NSDHL: variants seen among roughly 807,000 people sequenced by gnomAD.
The protein encoded by NSDHL is sterol-4-alpha-carboxylate 3-dehydrogenase, decarboxylating.
In NSDHL, 1 loss-of-function variant was observed where a neutral mutation model predicts 23.0. The ratio of observed to expected loss-of-function variants is 0.04; its 90% CI spans 0.02 to 0.21. NSDHL has a LOEUF of 0.21. NSDHL is among the 10% of genes least tolerant of loss of function. The pLI is 1.00. For missense variants in NSDHL, 237 were observed against 300.9 expected (o/e 0.79, Z 1.57); for synonymous variants, 128 against 121.1 (o/e 1.06, Z -0.37).
chrX:152,865,178 C>T (rs1315646069), intron 5 of NSDHL, among the ~76,000 whole-genome samples: 1 of 112,556 alleles, frequency 8.9e-6, no homozygotes, highest in Non-Finnish European at 1.9e-5. Context: ...CCTTTCCTTG[C>T]GGTGGCAACA....
rs10165373 is a variant in NSDHL at position 152,837,764 on chromosome X, T to G, written c.-44+6647T>G. ...ATATTGGTCTAAAATTCTCTTTTTT[T>G]GTTGTGTCTCTGCCAGGCTTTGGTA... On this transcript the variant is annotated intron_variant, in intron 1 of 7. Coordinates refer to ENST00000370274, the MANE Select transcript of NSDHL (RefSeq NM_015922.3). Among the ~76,000 whole-genome samples the G allele has an allele frequency of 1.1e-3, 126 of 111,926 alleles. 1 individual carries two copies. The highest frequency in any genetic ancestry group is 9.3e-3 in the Middle Eastern group (2 of 216).
chrX:152,856,337 T>G (rs1556846949), intron 3 of NSDHL, among the ~76,000 whole-genome samples: 1 of 112,400 alleles, frequency 8.9e-6, no homozygotes, highest in African/African-American at 3.2e-5. Flanking sequence ...TTAAAGTTAA[T>G]TTCACCTTTT....
chrX:152,835,071 A>T (rs1933070890), intron 1 of NSDHL, among the ~76,000 whole-genome samples: 1 of 111,873 alleles, frequency 8.9e-6, no homozygotes, highest in Non-Finnish European at 1.9e-5. Flanking sequence ...CCCTCCAGGA[A>T]ATGTTCCCCA....
chrX:152,868,984 A>G lies in NSDHL; in HGVS notation c.990A>G (p.Ala330=), dbSNP rs369318994. The G allele has an allele frequency of 1.7e-6, 2 of 1,210,325 alleles. No individual in the cohort carries two copies. The highest frequency in any genetic ancestry group is 2.2e-6 in the Non-Finnish European group (2 of 895,243). Residue 330 remains alanine, a synonymous_variant, in exon 8 of 8, where the codon GCA becomes GCG. Transcript: ENST00000370274. ...LQPTFTPMRV[A]LAGTFHYYSC... ...CCACCTTCACACCCATGCGGGTCGCACTGGCTGGCACATTCCACTACTACA... is the reference window on the plus strand; with the variant it reads ...CCACCTTCACACCCATGCGGGTCGCGCTGGCTGGCACATTCCACTACTACA...
chrX:152,839,794 G>A (rs782433075), intron 1 of NSDHL, among the ~76,000 whole-genome samples: 13 of 111,681 alleles, frequency 1.2e-4, no homozygotes, highest in East Asian at 2.8e-4. Flanking sequence ...TGCTCTTCTC[G>A]AGGAGTATCT....
intron 2 of NSDHL, among the ~76,000 whole-genome samples, chrX:152,847,024 G>A (rs1013804059): frequency 1.8e-5 from 2 of 112,362 alleles, no homozygotes; most frequent in African/African-American, 6.5e-5. Flanking sequence ...ATGTGGCTGG[G>A]CACGGTGTCT....
chrX:152,847,867 C>T (rs782242561), intron 2 of NSDHL, among the ~76,000 whole-genome samples: 9 of 100,985 alleles, frequency 8.9e-5, no homozygotes, highest in Non-Finnish European at 2.0e-5. Context: ...GGTTTTTTTT[C>T]TTTTTTTTTT....
At chrX:152,834,047 CA>C (rs1933054966) in intron 1 of NSDHL, among the ~76,000 whole-genome samples, 1 of 112,695 alleles carries the variant, frequency 8.9e-6, no homozygotes, top group Non-Finnish European at 1.9e-5. Flanking sequence ...TGGCCAGCGG[CA>C]GCACGATAAT....
intron 3 of NSDHL, among the ~76,000 whole-genome samples, chrX:152,851,055 A>G (rs1933348600): frequency 1.8e-5 from 2 of 112,255 alleles, no homozygotes; most frequent in African/African-American, 6.5e-5. Context: ...TTTTTCACTT[A>G]GCATGATGTT....
In NSDHL at chrX:152,841,674, A is replaced by G. The variant is rs1481088068; in HGVS notation, c.-43-4608A>G. Among the ~76,000 whole-genome samples, 19 of 112,483 alleles carry G rather than the reference A, an allele frequency of 1.7e-4. No individual in the cohort carries two copies. The Admixed American group carries it at 1.8e-3, about 11-fold the overall frequency. On this transcript the variant is annotated intron_variant, in intron 1 of 7. Transcript: ENST00000370274. ...ATTCAAATAACTAACATTTTAAAGG[A>G]AGAGACTTGAGGCTTCTGATGTGTG...
At chrX:152,848,440 C>T (rs1257216889) in intron 2 of NSDHL, among the ~76,000 whole-genome samples, 1 of 112,305 alleles carries the variant, frequency 8.9e-6, no homozygotes, top group Non-Finnish European at 1.9e-5. Context: ...CAGGGAACAG[C>T]CATTGGCCTA....
At chrX:152,868,127 T>C (rs1933638406) in intron 7 of NSDHL, among the ~76,000 whole-genome samples, 1 of 108,882 alleles carries the variant, frequency 9.2e-6, no homozygotes, top group African/African-American at 3.4e-5. Context: ...ATAGGGTGGG[T>C]GTGGCATTTT....
intron 1 of NSDHL, among the ~76,000 whole-genome samples, chrX:152,837,757 C>CT: frequency 9.0e-6 from 1 of 111,646 alleles, no homozygotes; most frequent in East Asian, 2.8e-4. Flanking sequence ...CTAAAATTCT[C>CT]TTTTTTTGTT....
At chrX:152,842,647 A>G (rs781971346) in intron 1 of NSDHL, among the ~76,000 whole-genome samples, 4 of 111,282 alleles carry the variant, frequency 3.6e-5, no homozygotes, top group African/African-American at 1.3e-4. Context: ...GATTACACGC[A>G]TGTGCCACCA....
chrX:152,850,478 G>A lies in NSDHL; in HGVS notation c.267+55G>A, dbSNP rs782462316. 1.3e-4 allele frequency: 142 copies of A among 1,095,063 alleles called. 1 individual carries two copies. In the Admixed American group the frequency reaches 2.4e-3, roughly 18 times the overall value. 90.2% of individuals were successfully genotyped at this position (1,095,063 alleles called of 1,213,427 possible). A position where few individuals can be genotyped will look rare whatever the true frequency, so the allele number is the denominator to read the frequency against. ...CCACGAGCCCACGAAGGGAAACCAC[G>A]ATACTTCCCTTGCTCAGAAGCCAGC... On this transcript the variant is annotated intron_variant, in intron 3 of 7. Transcript: ENST00000370274.
In NSDHL at chrX:152,847,858, GT is replaced by G. The variant is rs1298178467; in HGVS notation, c.108+1434del. ...GCAATTAGATTAGTTTGCCTAAATGGTTTTTTTTCTTTTTTTTTTTTTGAGA... is the reference window on the plus strand; with the variant it reads ...GCAATTAGATTAGTTTGCCTAAATGGTTTTTTTCTTTTTTTTTTTTTGAGA... On this transcript the variant is annotated intron_variant, in intron 2 of 7. Transcript: ENST00000370274. 8.3e-5 allele frequency among the ~76,000 whole-genome samples: 9 copies of G among 107,850 alleles called. No homozygotes were observed. The South Asian group carries it at 2.4e-3, about 29-fold the overall frequency. 93.7% of individuals were successfully genotyped at this position (107,850 alleles called of 115,157 possible). A position where few individuals can be genotyped will look rare whatever the true frequency, so the allele number is the denominator to read the frequency against.
chrX:152,846,497 G>A, intron 2 of NSDHL, 65 bp downstream of exon 2: 1 of 731,421 alleles, frequency 1.4e-6, no homozygotes, highest in Non-Finnish European at 2.2e-6. Context: ...GTGAAAAATT[G>A]TATTTGTACA....
intron 1 of NSDHL, among the ~76,000 whole-genome samples, chrX:152,845,742 C>G (rs1933261849): frequency 8.9e-6 from 1 of 111,761 alleles, no homozygotes; most frequent in Non-Finnish European, 1.9e-5. Context: ...CTATTGCACT[C>G]CACTCATCCC....
chrX:152,864,360 G>A (rs782267079), intron 5 of NSDHL, among the ~76,000 whole-genome samples: 2 of 112,277 alleles, frequency 1.8e-5, no homozygotes, highest in Non-Finnish European at 3.8e-5. Flanking sequence ...GCACTCATGT[G>A]CTCGAACTTG....
Sources: allele counts gnomAD v4.1 joint callset (sites outside exome capture counted in the v4.1 genomes callset), GRCh38; gene constraint gnomAD v4.1.1; transcripts MANE v1.5; gene names NCBI Gene and HGNC (gene_info 2026-07-23, HGNC 2026-07-21).